Variants in PPP1R9A observed in about 807,000 individuals in gnomAD.
PPP1R9A encodes protein phosphatase 1 regulatory subunit 9A.
In PPP1R9A, 59 loss-of-function variants were observed where a neutral mutation model predicts 141.9. The observed-to-expected ratio is 0.42, with a 90% CI of 0.34 to 0.52. PPP1R9A has a LOEUF of 0.52. Ranked by LOEUF, PPP1R9A falls within the 20% of genes least tolerant of loss-of-function variation. The pLI, the probability that PPP1R9A is intolerant of heterozygous loss-of-function variation, is 0.10. For synonymous variants in PPP1R9A, 500 were observed against 569.7 expected, an observed-to-expected ratio of 0.88 and a Z score of 1.74; for missense variants, 1,444 against 1,611.9, an observed-to-expected ratio of 0.90 and a Z score of 1.78.
At chr7:95,237,439 G>T (rs1796863660) in intron 8 of PPP1R9A, among the ~76,000 whole-genome samples, 1 of 151,772 alleles carries the variant, frequency 6.6e-6, no homozygotes, top group African/African-American at 2.4e-5. Context: ...CAGGTGATCT[G>T]CCCACCTTGG....
intron 4 of PPP1R9A, among the ~76,000 whole-genome samples, chr7:95,122,794 T>C (rs1005580625): frequency 1.3e-5 from 2 of 152,204 alleles, no homozygotes; most frequent in African/African-American, 4.8e-5. Context: ...TAATAAATTA[T>C]ATATAATGAT....
chr7:95,186,579 A>G (rs779535488), intron 5 of PPP1R9A, among the ~76,000 whole-genome samples: 6 of 152,112 alleles, frequency 3.9e-5, no homozygotes, highest in South Asian at 2.1e-4. Context: ...CAAAGTGGGC[A>G]TCTTTTTCTT....
intron 2 of PPP1R9A, among the ~76,000 whole-genome samples, chr7:95,027,329 T>C (rs747464855): frequency 2.6e-5 from 4 of 152,156 alleles, no homozygotes; most frequent in Non-Finnish European, 4.4e-5. Context: ...TTCCCTTGGC[T>C]ATGGGAGGGA....
At chr7:95,076,898 A>T (rs1814935456) in intron 2 of PPP1R9A, among the ~76,000 whole-genome samples, 1 of 151,892 alleles carries the variant, frequency 6.6e-6, no homozygotes, top group African/African-American at 2.4e-5. Context: ...TTTCCAGTTT[A>T]TTTTTTAGTT....
intron 2 of PPP1R9A, among the ~76,000 whole-genome samples, chr7:95,086,272 A>G (rs1015937350): frequency 6.6e-6 from 1 of 151,978 alleles, no homozygotes; most frequent in Non-Finnish European, 1.5e-5. Context: ...ACATTAGGGA[A>G]TTTTAGTTTA....
intron 2 of PPP1R9A, among the ~76,000 whole-genome samples, chr7:94,942,816 A>AATAC (rs1192148185): frequency 7.4e-5 from 9 of 122,404 alleles, no homozygotes; most frequent in African/African-American, 1.6e-4. Flanking sequence ...TAAATAAATA[A>AATAC]ATAAATAAAT....
In PPP1R9A at chr7:95,072,712, T is replaced by G. The variant is rs1584536336; in HGVS notation, c.1396-38547T>G. 4.4e-5 allele frequency among the ~76,000 whole-genome samples: 5 copies of G among 112,998 alleles called. No individual in the cohort carries two copies. The South Asian group carries it at 1.2e-3, about 26-fold the overall frequency. 74.1% of individuals were successfully genotyped at this position (112,998 alleles called of 152,430 possible). Reference sequence around the variant, plus strand: ...ATATTATGTAATATAATATATAATATATTATATGTATATTTATTACATATA... The same window carrying G: ...ATATTATGTAATATAATATATAATAGATTATATGTATATTTATTACATATA... On this transcript the variant is annotated intron_variant, in intron 2 of 19. Coordinates refer to ENST00000433360, the MANE Select transcript of PPP1R9A (RefSeq NM_001166160.2).
intron 2 of PPP1R9A, among the ~76,000 whole-genome samples, chr7:95,066,026 G>A (rs751010790): frequency 6.6e-6 from 1 of 152,112 alleles, no homozygotes; most frequent in African/African-American, 2.4e-5. Context: ...GGTCCAAATT[G>A]TGTCCCTACC....
Position 95,170,846 on chromosome 7 carries a change from G to C in PPP1R9A, c.1754+8875G>C, listed in dbSNP as rs1417696711. 2.6e-5 allele frequency among the ~76,000 whole-genome samples: 4 copies of C among 151,532 alleles called. No homozygotes were observed. The East Asian group carries it at 7.7e-4, about 29-fold the overall frequency. On this transcript the variant is annotated intron_variant, in intron 5 of 19. Transcript: ENST00000433360. The stretch of plus-strand genomic sequence containing the variant: ...TCATTTTTTAAAAAATTATTTAAAG[G>C]ATTATTAACTTTTTAAAACAAAGGA...
chr7:94,949,901 A>G (rs1163727813), intron 2 of PPP1R9A, among the ~76,000 whole-genome samples: 1 of 150,266 alleles, frequency 6.7e-6, no homozygotes, highest in South Asian at 2.1e-4. Context: ...CCCCAGTAAA[A>G]CAGTTCTTTT....
chr7:94,948,244 T>A (rs1796099913), intron 2 of PPP1R9A, among the ~76,000 whole-genome samples: 1 of 145,714 alleles, frequency 6.9e-6, no homozygotes. Context: ...TGTCACTTAG[T>A]TGGTACAGTG....
chr7:95,253,896 A>T (rs899803718), intron 12 of PPP1R9A, among the ~76,000 whole-genome samples: 2 of 152,128 alleles, frequency 1.3e-5, no homozygotes, highest in Non-Finnish European at 2.9e-5. Context: ...TACTCAAAGT[A>T]TGAGCAGTAT....
intron 2 of PPP1R9A, among the ~76,000 whole-genome samples, chr7:94,955,245 A>G (rs906848705): frequency 2.0e-5 from 3 of 152,102 alleles, no homozygotes; most frequent in Non-Finnish European, 4.4e-5. Flanking sequence ...TAAATAGCAC[A>G]CTATCTGATT....
intron 2 of PPP1R9A, among the ~76,000 whole-genome samples, chr7:95,065,757 A>G (rs1044032563): frequency 1.3e-5 from 2 of 152,222 alleles, no homozygotes; most frequent in Non-Finnish European, 2.9e-5. Context: ...CCATAGTGAT[A>G]TCACTCCCAC....
At chr7:94,921,489 A>G (rs949134069) in intron 2 of PPP1R9A, among the ~76,000 whole-genome samples, 6 of 151,726 alleles carry the variant, frequency 4.0e-5, no homozygotes, top group Non-Finnish European at 8.8e-5. Context: ...TGTTATTTTG[A>G]TGGATTCCTT....
At chr7:94,942,871 C>T (rs910264316) in intron 2 of PPP1R9A, among the ~76,000 whole-genome samples, 1 of 151,580 alleles carries the variant, frequency 6.6e-6, no homozygotes, top group African/African-American at 2.4e-5. Flanking sequence ...TTGCCAACTG[C>T]TGATTTAGAA....
At chr7:95,161,190 T>G (rs769237082) in intron 4 of PPP1R9A, among the ~76,000 whole-genome samples, 7 of 152,144 alleles carry the variant, frequency 4.6e-5, no homozygotes, top group South Asian at 2.1e-4. Flanking sequence ...CTGTTTGTTT[T>G]TTTTTTAACT....
In PPP1R9A at chr7:95,024,816, A is replaced by G. The variant is rs142087112; in HGVS notation, c.1396-86443A>G. Among the ~76,000 whole-genome samples the G allele has an allele frequency of 1.7e-3, 258 of 152,278 alleles. 1 individual carries two copies. Among genetic ancestry groups the G allele is most frequent in the African/African-American group, 6.0e-3 (248 of 41,564 alleles). ...TGTTATGTGTGAATTTGATACTGTC[A>G]TTATGATGCTAGCTGGTTATTTTGC... On this transcript the variant is annotated intron_variant, in intron 2 of 19. Coordinates refer to ENST00000433360, the MANE Select transcript of PPP1R9A (RefSeq NM_001166160.2).
At chr7:95,261,149 G>C (rs1400939137) in intron 12 of PPP1R9A, among the ~76,000 whole-genome samples, 1 of 152,188 alleles carries the variant, frequency 6.6e-6, no homozygotes, top group African/African-American at 2.4e-5. Flanking sequence ...CTCCTACATT[G>C]TTTTCAAGGT....
Sources: allele counts gnomAD v4.1 joint callset (sites outside exome capture counted in the v4.1 genomes callset), GRCh38; gene constraint gnomAD v4.1.1; transcripts MANE v1.5; gene names NCBI Gene and HGNC (gene_info 2026-07-23, HGNC 2026-07-21).